Variants in MARCHF1 observed in about 807,000 individuals in gnomAD.
MARCHF1 encodes the protein E3 ubiquitin-protein ligase MARCHF1.
A neutral mutation model predicts 54.2 loss-of-function variants in MARCHF1; 40 were observed. That is an observed-to-expected ratio of 0.74 (90% confidence interval 0.57 to 0.96). MARCHF1 has a LOEUF of 0.96. Ranked by LOEUF, MARCHF1 falls within the 40% of genes least tolerant of loss-of-function variation. MARCHF1 has a pLI of 0.00. For synonymous variants in MARCHF1, 236 were observed against 236.3 expected (o/e 1.00, Z 0.01); for missense variants, 586 against 656.5 (o/e 0.89, Z 1.17).
At chr4:164,202,525 C>CA (rs906495063) in intron 1 of MARCHF1, among the ~76,000 whole-genome samples, 6 of 151,940 alleles carry the variant, frequency 3.9e-5, no homozygotes, top group African/African-American at 1.2e-4. Context: ...AGTTAATTTT[C>CA]AAAAAAACCC....
intron 1 of MARCHF1, among the ~76,000 whole-genome samples, chr4:164,144,222 G>A (rs1265627561): frequency 6.6e-6 from 1 of 150,616 alleles, no homozygotes; most frequent in African/African-American, 2.5e-5. Context: ...ATTAATAATG[G>A]GAGACTTTAA....
intron 3 of MARCHF1, among the ~76,000 whole-genome samples, chr4:163,949,033 G>C (rs1240616756): frequency 2.0e-5 from 3 of 152,188 alleles, no homozygotes; most frequent in Non-Finnish European, 4.4e-5. Flanking sequence ...TGGCACCTTT[G>C]CCCGTGTTTT....
chr4:164,156,752 G>T (rs996858197), intron 1 of MARCHF1, among the ~76,000 whole-genome samples: 1 of 152,058 alleles, frequency 6.6e-6, no homozygotes, highest in Non-Finnish European at 1.5e-5. Flanking sequence ...TTTTATAGGA[G>T]ATGAATAATG....
chr4:163,624,758 C>T (rs1741811915), intron 5 of MARCHF1, among the ~76,000 whole-genome samples: 1 of 152,244 alleles, frequency 6.6e-6, no homozygotes, highest in South Asian at 2.1e-4. Flanking sequence ...CAACCTCAGT[C>T]TCACTGCAAA....
At chr4:163,552,432 G>A (rs1342243532) in intron 8 of MARCHF1, among the ~76,000 whole-genome samples, 2 of 152,212 alleles carry the variant, frequency 1.3e-5, no homozygotes, top group Non-Finnish European at 2.9e-5. Context: ...AGATACCACT[G>A]CAAGTAATTG....
At chr4:163,904,876 T>G (rs966445103) in intron 3 of MARCHF1, among the ~76,000 whole-genome samples, 7 of 152,148 alleles carry the variant, frequency 4.6e-5, no homozygotes, top group Non-Finnish European at 7.4e-5. Flanking sequence ...TCTGGAATTA[T>G]TCATTGGATC....
chr4:164,364,446 ACTAT>A (rs1203757682), intron 1 of MARCHF1, among the ~76,000 whole-genome samples: 5 of 152,192 alleles, frequency 3.3e-5, no homozygotes, highest in East Asian at 1.9e-4. Context: ...AATAAAAACC[ACTAT>A]CTATCACAAA....
chr4:164,074,898 T>C (rs1754945157), intron 2 of MARCHF1, among the ~76,000 whole-genome samples: 1 of 150,764 alleles, frequency 6.6e-6, no homozygotes, highest in East Asian at 1.9e-4. Context: ...ATAAAATATA[T>C]TTCTTATAAA....
At chr4:164,357,391 G>A (rs1304659792) in intron 1 of MARCHF1, among the ~76,000 whole-genome samples, 1 of 151,958 alleles carries the variant, frequency 6.6e-6, no homozygotes, top group East Asian at 1.9e-4. Flanking sequence ...TCTGAGTCAG[G>A]TTCCTCTGGA....
chr4:163,613,447 A>G, intron 5 of MARCHF1, 54 bp from the exon 6 acceptor site: 6 of 1,612,700 alleles, frequency 3.7e-6, no homozygotes, highest in Non-Finnish European at 4.2e-6. Flanking sequence ...TACATGGTTG[A>G]TATCTTGCTT....
intron 4 of MARCHF1, among the ~76,000 whole-genome samples, chr4:163,849,766 T>TA (rs1248462765): frequency 1.3e-5 from 2 of 152,178 alleles, no homozygotes; most frequent in Non-Finnish European, 2.9e-5. Context: ...ACTCTGCATT[T>TA]TTTTTGTTTT....
At chr4:163,958,930 A>ATC (rs1461431534) in intron 3 of MARCHF1, among the ~76,000 whole-genome samples, 1 of 151,994 alleles carries the variant, frequency 6.6e-6, no homozygotes, top group Non-Finnish European at 1.5e-5. Context: ...GAGGGAACTC[A>ATC]TCTACCACGG....
chr4:163,790,918 G>A (rs529710123), intron 4 of MARCHF1, among the ~76,000 whole-genome samples: 1 of 152,072 alleles, frequency 6.6e-6, no homozygotes, highest in Non-Finnish European at 1.5e-5. Flanking sequence ...GTCAGGAAGA[G>A]TTTCTCATTA....
At chr4:164,063,706 C>T (rs1399571496) in intron 2 of MARCHF1, among the ~76,000 whole-genome samples, 2 of 152,138 alleles carry the variant, frequency 1.3e-5, no homozygotes. Flanking sequence ...TTTTTATATT[C>T]CAAATATTAT....
chr4:163,617,569 ACTT>A (rs1046196099), intron 5 of MARCHF1, among the ~76,000 whole-genome samples: 4 of 152,180 alleles, frequency 2.6e-5, no homozygotes, highest in African/African-American at 9.6e-5. Flanking sequence ...TTTAAGATCA[ACTT>A]CTTATTTTCA....
At chr4:164,061,089 A>G (rs1410241014) in intron 2 of MARCHF1, among the ~76,000 whole-genome samples, 6 of 152,164 alleles carry the variant, frequency 3.9e-5, no homozygotes, top group Non-Finnish European at 8.8e-5. Context: ...ATAAGAAACT[A>G]TTGCAGTCTT....
chr4:163,844,366 T>C (rs7670349), intron 4 of MARCHF1, among the ~76,000 whole-genome samples: 69,906 of 151,990 alleles, frequency 0.46, 16,400 homozygotes, highest in East Asian at 0.57. Flanking sequence ...TCTCCCATCC[T>C]ATATGTTGTC....
chr4:164,320,281 C>G (rs933866349), intron 1 of MARCHF1, among the ~76,000 whole-genome samples: 1 of 152,078 alleles, frequency 6.6e-6, no homozygotes, highest in Non-Finnish European at 1.5e-5. Context: ...GGAATTAAGT[C>G]CAAAATCCTC....
At chr4:164,072,517 T>C (rs1387177221) in intron 2 of MARCHF1, among the ~76,000 whole-genome samples, 1 of 152,054 alleles carries the variant, frequency 6.6e-6, no homozygotes, top group Non-Finnish European at 1.5e-5. Context: ...GCCAGGATTA[T>C]GCCACCACAC....
Sources: gnomAD v4.1 joint callset for allele counts (sites outside exome capture counted in the v4.1 genomes callset) on GRCh38, gnomAD v4.1.1 for gene constraint, MANE v1.5 for transcripts, NCBI Gene and HGNC (gene_info 2026-07-23, HGNC 2026-07-21) for gene names.